Variants in RAPGEF4 observed in about 807,000 individuals in gnomAD.
RAPGEF4 encodes Rap guanine nucleotide exchange factor 4, also known as RAP guanine-nucleotide-exchange factor (GEF) 4.
A neutral mutation model predicts 147.9 loss-of-function variants in RAPGEF4; 66 were observed. That is an observed-to-expected ratio of 0.45 (90% CI 0.37 to 0.55). The LOEUF (loss-of-function observed/expected upper bound fraction) is 0.55. Among genes scored for constraint, RAPGEF4 ranks in the 20% least tolerant of loss-of-function variants. RAPGEF4 has a pLI of 0.00. For missense variants in RAPGEF4, 1,071 were observed against 1,257.3 expected (o/e 0.85, Z 2.24); for synonymous variants, 419 against 442.7 (o/e 0.95, Z 0.67).
In RAPGEF4 at chr2:172,925,931, G is replaced by A. The variant is rs958270423; in HGVS notation, c.537+3631G>A. 7.1e-5 allele frequency among the ~76,000 whole-genome samples: 10 copies of A among 140,376 alleles called. No individual in the cohort carries two copies. The South Asian group carries it at 2.5e-3, about 36-fold the overall frequency. The allele number at this position is 140,376 out of a possible 152,430, so 92.1% of individuals were successfully genotyped here. On this transcript the variant is annotated intron_variant, in intron 6 of 30. Coordinates refer to ENST00000397081, the MANE Select transcript of RAPGEF4 (RefSeq NM_007023.4). ...AGAGAAAGAAAGAGTAAAAAAGAAA[G>A]AGGAGGGAGGGAAGGAAGGAGGGGG...
At chr2:172,875,234 A>G (rs1271908612) in intron 4 of RAPGEF4, among the ~76,000 whole-genome samples, 1 of 152,190 alleles carries the variant, frequency 6.6e-6, no homozygotes, top group Non-Finnish European at 1.5e-5. Flanking sequence ...TTTGCTGTGC[A>G]GAAGCTCTTT....
rs73979543 is a variant in RAPGEF4, at chr2:172,737,932, A to G, written c.65+1884A>G. ...AAGGTGAAATAGTTTGAAAACTGTG[A>G]GTGCCATGTAGGCTTTTTGTTTTGT... On this transcript the variant is annotated intron_variant, in intron 1 of 30. Transcript: ENST00000397081. 9.8e-4 allele frequency among the ~76,000 whole-genome samples: 149 copies of G among 152,336 alleles called. 1 individual carries two copies. The highest frequency in any genetic ancestry group is 2.8e-3 in the African/African-American group (117 of 41,568).
At chr2:173,014,317 TG>T in intron 17 of RAPGEF4, 146 bp from the exon 18 acceptor site, 2 of 940,436 alleles carry the variant, frequency 2.1e-6, no homozygotes, top group Non-Finnish European at 3.3e-6. Flanking sequence ...ACACTTTCTG[TG>T]GGGTTTTTCA....
intron 4 of RAPGEF4, among the ~76,000 whole-genome samples, chr2:172,851,764 A>G (rs1443634144): frequency 2.0e-5 from 3 of 152,164 alleles, no homozygotes; most frequent in African/African-American, 7.2e-5. Flanking sequence ...ATGGACACAA[A>G]GAAGGGAACA....
At chr2:172,865,153 G>A (rs1473667740) in intron 4 of RAPGEF4, among the ~76,000 whole-genome samples, 1 of 152,050 alleles carries the variant, frequency 6.6e-6, no homozygotes, top group African/African-American at 2.4e-5. Context: ...ATCCATCGCC[G>A]CCAACCTCAC....
chr2:173,013,966 C>G (rs1695268536), intron 17 of RAPGEF4, among the ~76,000 whole-genome samples: 1 of 152,188 alleles, frequency 6.6e-6, no homozygotes, highest in Non-Finnish European at 1.5e-5. Flanking sequence ...CCCACCCATG[C>G]ACTCTTTGTA....
chr2:172,835,977 G>T (rs1559067060), intron 4 of RAPGEF4, among the ~76,000 whole-genome samples: 1 of 152,050 alleles, frequency 6.6e-6, no homozygotes, highest in Non-Finnish European at 1.5e-5. Context: ...TCTCTTTCTG[G>T]CTTTTTGTTC....
chr2:172,738,967 A>G (rs1423295170), intron 1 of RAPGEF4, among the ~76,000 whole-genome samples: 2 of 152,260 alleles, frequency 1.3e-5, no homozygotes, highest in African/African-American at 2.4e-5. Context: ...CTAGAAAGCT[A>G]TCATAGACAG....
At chr2:172,921,118 G>C (rs933070020) in intron 5 of RAPGEF4, among the ~76,000 whole-genome samples, 1 of 151,440 alleles carries the variant, frequency 6.6e-6, no homozygotes, top group Admixed American at 6.6e-5. Flanking sequence ...TTTTGTCTTT[G>C]TTTTGTTTTT....
intron 1 of RAPGEF4, among the ~76,000 whole-genome samples, chr2:172,753,427 G>A (rs1695475496): frequency 1.4e-5 from 2 of 145,974 alleles, no homozygotes; most frequent in South Asian, 4.3e-4. Context: ...ACCTACAATT[G>A]ATTTTTATCT....
chr2:172,882,320 C>T (rs1039209229), intron 4 of RAPGEF4, among the ~76,000 whole-genome samples: 1 of 152,146 alleles, frequency 6.6e-6, no homozygotes, highest in African/African-American at 2.4e-5. Context: ...CCTGTGTCCT[C>T]TGGGGCCAGC....
intron 1 of RAPGEF4, among the ~76,000 whole-genome samples, chr2:172,751,251 G>A (rs1695258947): frequency 6.6e-6 from 1 of 152,156 alleles, no homozygotes; most frequent in African/African-American, 2.4e-5. Flanking sequence ...CCATGTGCCA[G>A]TCACTCTTGC....
chr2:172,848,757 C>T (rs773009847), intron 4 of RAPGEF4, among the ~76,000 whole-genome samples: 1 of 152,104 alleles, frequency 6.6e-6, no homozygotes, highest in African/African-American at 2.4e-5. Flanking sequence ...GAACAGCCTT[C>T]GAGTCCAGCA....
intron 17 of RAPGEF4, among the ~76,000 whole-genome samples, chr2:173,013,531 A>G (rs992191620): frequency 6.6e-6 from 1 of 152,252 alleles, no homozygotes; most frequent in Non-Finnish European, 1.5e-5. Flanking sequence ...TATCTATAAT[A>G]TGAACTATAA....
intron 4 of RAPGEF4, among the ~76,000 whole-genome samples, chr2:172,834,957 G>A (rs972495046): frequency 5.9e-5 from 9 of 151,970 alleles, no homozygotes; most frequent in African/African-American, 1.9e-4. Flanking sequence ...CTCCTATTCC[G>A]TACTTCAGTT....
At chr2:172,918,410 C>CAA (rs1684337712) in intron 5 of RAPGEF4, among the ~76,000 whole-genome samples, 1 of 147,876 alleles carries the variant, frequency 6.8e-6, no homozygotes, top group Non-Finnish European at 1.5e-5. Context: ...CACACACACA[C>CAA]AAAGTGACTA....
chr2:172,932,850 C>T (rs1053706272), intron 6 of RAPGEF4, among the ~76,000 whole-genome samples: 5 of 152,110 alleles, frequency 3.3e-5, no homozygotes, highest in African/African-American at 1.2e-4. Context: ...GTTTTAAAAT[C>T]TCTTGTGACC....
chr2:172,941,231 G>A (rs762658298), intron 6 of RAPGEF4, among the ~76,000 whole-genome samples: 5 of 152,050 alleles, frequency 3.3e-5, no homozygotes, highest in African/African-American at 4.8e-5. Context: ...AGGACTTCCG[G>A]TATGATAGTC....
In RAPGEF4 at chr2:172,791,678, T is replaced by C. The variant is rs564290434; in HGVS notation, c.66-3347T>C. On this transcript the variant is annotated intron_variant, in intron 1 of 30. Coordinates refer to ENST00000397081, the MANE Select transcript of RAPGEF4 (RefSeq NM_007023.4). ...CCTAATTTGGGGGCACACAAAAATA[T>C]CAGGAGAAGAGATTTCATTCTTCTC... 3.3e-5 allele frequency among the ~76,000 whole-genome samples: 5 copies of C among 152,276 alleles called. No homozygotes were observed. In the East Asian group the frequency reaches 9.7e-4, roughly 29 times the overall value.
Sources: allele counts gnomAD v4.1 joint callset (sites outside exome capture counted in the v4.1 genomes callset), GRCh38; gene constraint gnomAD v4.1.1; transcripts MANE v1.5; gene names NCBI Gene and HGNC (gene_info 2026-07-23, HGNC 2026-07-21).